Variants in PLB1 observed in about 807,000 individuals in gnomAD.
PLB1 encodes phospholipase B1.
In PLB1, 242 loss-of-function variants were observed where a neutral mutation model predicts 227.4. The observed-to-expected ratio is 1.06, with a 90% CI of 0.96 to 1.18. The LOEUF is 1.18. PLB1 is among the 50% of genes most tolerant of loss of function. The pLI is 0.00. For synonymous variants in PLB1, 757 were observed against 682.2 expected (o/e 1.11, Z -1.71); for missense variants, 1,858 against 1,816.3 (o/e 1.02, Z -0.42).
At position 28,529,890 on chromosome 2, in the gene PLB1, G is replaced by A. The variant is rs547266275; in HGVS notation, c.468+111G>A. On this transcript the variant is annotated intron_variant, in intron 8 of 57. Coordinates refer to ENST00000327757, the MANE Select transcript of PLB1 (RefSeq NM_153021.5). ...CATTTTACCATGAACTCGGCAACTAGTGTGACCTGGGTTCTTTAAAAAATG... is the reference window on the plus strand; with the variant it reads ...CATTTTACCATGAACTCGGCAACTAATGTGACCTGGGTTCTTTAAAAAATG... The A allele has an allele frequency of 8.8e-5, 84 of 950,570 alleles. 3 individuals are homozygous for A. The South Asian group carries it at 1.1e-3, about 12-fold the overall frequency. 58.9% of individuals were successfully genotyped at this position (950,570 alleles called of 1,614,324 possible).
chr2:28,590,175 C>G (rs779277866), intron 29 of PLB1, 99 bp downstream of exon 29: 10 of 1,051,624 alleles, frequency 9.5e-6, no homozygotes, highest in Middle Eastern at 2.5e-4. Context: ...TGCCTGCCCA[C>G]CCACCCCATT....
intron 9 of PLB1, 84 bp from the exon 10 acceptor site, chr2:28,538,235 G>C: frequency 6.4e-7 from 1 of 1,551,504 alleles, no homozygotes; most frequent in South Asian, 1.1e-5. Context: ...TGCCTGGCAG[G>C]GATGGGCCTG....
At chr2:28,550,170 GTTTT>G in intron 16 of PLB1, 86 bp downstream of exon 16, 13 of 737,498 alleles carry the variant, frequency 1.8e-5, no homozygotes, top group East Asian at 3.6e-5. Flanking sequence ...CTTCCACGTG[GTTTT>G]TTTTTTTTTT....
rs909746271 is a variant in PLB1 at position 28,582,834 on chromosome 2, C to T, written c.1733+329C>T. ...AGCTGTGTGTCTGAGGCCCGGGGAC[C>T]GCCCAGGCCACTGCTGGGACCTACT... On this transcript the variant is annotated intron_variant, in intron 25 of 57. Transcript: ENST00000327757. Among the ~76,000 whole-genome samples, 30 of 152,150 alleles carry T rather than the reference C, an allele frequency of 2.0e-4. 1 individual carries two copies. Among genetic ancestry groups the T allele is most frequent in the Admixed American group, 1.7e-3 (26 of 15,286 alleles).
Position 28,640,921 on chromosome 2 carries a change from C to T in PLB1, c.4099-6C>T. 1 of 1,612,996 alleles carries T rather than the reference C, an allele frequency of 6.2e-7. No individual in the cohort carries two copies. Among genetic ancestry groups the T allele is most frequent in the Non-Finnish European group, 8.5e-7 (1 of 1,179,446 alleles). Reference sequence around the variant, plus strand: ...GAGAATCGAGGTGTCCTTTCTCTCTCTCCAGCTGGAACCAGTGGGCCGCAA... The same window carrying T: ...GAGAATCGAGGTGTCCTTTCTCTCTTTCCAGCTGGAACCAGTGGGCCGCAA... On this transcript the variant is annotated splice_polypyrimidine_tract_variant and splice_region_variant and intron_variant, in intron 56 of 57. Transcript: ENST00000327757.
chr2:28,536,535 G>A (rs1298085006), intron 9 of PLB1, among the ~76,000 whole-genome samples: 1 of 152,162 alleles, frequency 6.6e-6, no homozygotes, highest in Non-Finnish European at 1.5e-5. Flanking sequence ...AAACCTAAAC[G>A]TGTTTCTAGT....
At chr2:28,632,324 G>A (rs1240295251) in intron 55 of PLB1, among the ~76,000 whole-genome samples, 184 bp downstream of exon 55, 1 of 151,578 alleles carries the variant, frequency 6.6e-6, no homozygotes, top group East Asian at 1.9e-4. Context: ...GAACTCAGAT[G>A]TACTTTGAAA....
intron 56 of PLB1, chr2:28,633,287 A>T: frequency 2.1e-6 from 1 of 480,736 alleles, no homozygotes. Flanking sequence ...AGCAATGCCC[A>T]GGTACTGCGA....
intron 14 of PLB1, chr2:28,548,581 C>G (rs1673667402): frequency 2.4e-6 from 1 of 422,402 alleles, no homozygotes; most frequent in Admixed American, 3.1e-5. Flanking sequence ...CTAGGAAGTC[C>G]CTTCTATATA....
chr2:28,548,866 C>A lies in PLB1; in HGVS notation c.943C>A (p.Pro315Thr), dbSNP rs756732257. ...AGCCCACGTTCCTTTCTAGATGGAG[C>A]CAGCAGGAGAGAAAGATGAGCCATT... ...AWHLWNRMME[P>T]AGEKDEPLSV... The change falls in exon 15 of 58, where the codon CCA becomes ACA. Residue 315 changes from proline (P) to threonine (T), a missense_variant. Transcript: ENST00000327757. 1.2e-6 allele frequency: 2 copies of A among 1,613,910 alleles called. No homozygotes were observed. Among genetic ancestry groups the A allele is most frequent in the Non-Finnish European group, 1.7e-6 (2 of 1,179,960 alleles).
At chr2:28,638,415 G>A (rs1414210233) in intron 56 of PLB1, among the ~76,000 whole-genome samples, 2 of 152,094 alleles carry the variant, frequency 1.3e-5, no homozygotes, top group East Asian at 1.9e-4. Context: ...AGTTGGGCAG[G>A]GGCCAGGTCC....
chr2:28,501,414 C>T (rs1045253008), intron 1 of PLB1, among the ~76,000 whole-genome samples: 2 of 152,146 alleles, frequency 1.3e-5, no homozygotes, highest in African/African-American at 4.8e-5. Flanking sequence ...TGTTCAGAAT[C>T]ACTTGAATTT....
chr2:28,643,363 T>C lies in PLB1; in HGVS notation c.*302T>C. 3.9e-6 allele frequency: 1 copy of C among 259,708 alleles called. No individual in the cohort carries two copies. The highest frequency in any genetic ancestry group is 7.3e-6 in the Non-Finnish European group (1 of 137,234). 16.1% of individuals were successfully genotyped at this position (259,708 alleles called of 1,614,324 possible). A position where few individuals can be genotyped will look rare whatever the true frequency, so the allele number is the denominator to read the frequency against. On this transcript the variant is annotated 3_prime_UTR_variant, in exon 58 of 58. Coordinates refer to ENST00000327757, the MANE Select transcript of PLB1 (RefSeq NM_153021.5). ...TTTTGTGGCCTGCCTCCAGCAGGGC[T>C]GCCCAAGCCACGACCAACCAGAGCC...
At chr2:28,497,642 C>G (rs1243550507) in intron 1 of PLB1, among the ~76,000 whole-genome samples, 2 of 152,214 alleles carry the variant, frequency 1.3e-5, no homozygotes, top group East Asian at 3.8e-4. Flanking sequence ...GTTTGGTTCT[C>G]TGGCCTGGCC....
intron 17 of PLB1, among the ~76,000 whole-genome samples, chr2:28,558,392 G>A (rs1572962607): frequency 1.3e-5 from 2 of 152,026 alleles, no homozygotes; most frequent in East Asian, 1.9e-4. Flanking sequence ...AGAATACAGT[G>A]TTTGACTGTT....
chr2:28,581,772 C>A (rs1680054174), intron 23 of PLB1, among the ~76,000 whole-genome samples: 1 of 151,738 alleles, frequency 6.6e-6, no homozygotes, highest in African/African-American at 2.4e-5. Context: ...CCAGCCTGGG[C>A]AACATGGGGA....
chr2:28,616,363 C>G (rs977017555), intron 44 of PLB1, among the ~76,000 whole-genome samples: 3 of 152,106 alleles, frequency 2.0e-5, no homozygotes, highest in African/African-American at 7.2e-5. Context: ...CTTAATATGT[C>G]AATTAAAAAT....
At chr2:28,625,578 G>A (rs1433937869) in intron 50 of PLB1, among the ~76,000 whole-genome samples, 1 of 151,780 alleles carries the variant, frequency 6.6e-6, no homozygotes, top group Non-Finnish European at 1.5e-5. Context: ...TATTATGGAG[G>A]TGGCCAAGTG....
intron 32 of PLB1, among the ~76,000 whole-genome samples, chr2:28,593,080 A>G (rs1682265824): frequency 2.0e-5 from 3 of 152,152 alleles, no homozygotes; most frequent in South Asian, 4.1e-4. Flanking sequence ...AGACCCTCAC[A>G]TCTGTTTCTT....
Sources: allele counts gnomAD v4.1 joint callset (sites outside exome capture counted in the v4.1 genomes callset), GRCh38; gene constraint gnomAD v4.1.1; transcripts MANE v1.5; gene names NCBI Gene and HGNC (gene_info 2026-07-23, HGNC 2026-07-21).